DDX10: variants seen among roughly 807,000 people sequenced by gnomAD.
DDX10 encodes probable ATP-dependent RNA helicase DDX10.
In DDX10, 74 loss-of-function variants were observed where a neutral mutation model predicts 104.3. The observed-to-expected ratio is 0.71, with a 90% CI of 0.59 to 0.86. The LOEUF is 0.86. DDX10 is among the 40% of genes least tolerant of loss of function. The pLI is 0.00. For synonymous variants in DDX10, 351 were observed against 353.4 expected (o/e 0.99, Z 0.08); for missense variants, 952 against 1,040.0 (o/e 0.92, Z 1.16).
chr11:108,881,344 A>G (rs1205355570), intron 16 of DDX10, among the ~76,000 whole-genome samples: 1 of 152,212 alleles, frequency 6.6e-6, no homozygotes, highest in African/African-American at 2.4e-5. Flanking sequence ...GAGTAAGCAC[A>G]GTGTGATCAT....
At chr11:108,821,994 T>G (rs1306985098) in intron 13 of DDX10, among the ~76,000 whole-genome samples, 1 of 152,222 alleles carries the variant, frequency 6.6e-6, no homozygotes, top group African/African-American at 2.4e-5. Flanking sequence ...TATATTCACA[T>G]AACCAGTTAT....
rs117344848 is a variant in DDX10 at position 108,740,783 on chromosome 11, T to A, written c.1965+17321T>A. On this transcript the variant is annotated intron_variant, in intron 13 of 17. Transcript: ENST00000322536. ...TGCTTTTTGGCTATGTATGTCTTTT[T>A]GAAAAGTGTCTGGTCATGTCCTTTG... is the stretch of plus-strand genomic sequence containing the variant. Among the ~76,000 whole-genome samples, 1,032 of 152,276 alleles carry A rather than the reference T, an allele frequency of 6.8e-3. 8 individuals carry two copies. The highest frequency in any genetic ancestry group is 0.011 in the Non-Finnish European group (720 of 68,010).
At chr11:108,672,767 T>C (rs117641562) in intron 1 of DDX10, among the ~76,000 whole-genome samples, 2,004 of 152,350 alleles carry the variant, frequency 0.013, 137 homozygotes, top group Admixed American at 0.12. Context: ...AAAATAATTC[T>C]CCTGAGCAGC....
At chr11:108,724,025 C>T (rs896325865) in intron 13 of DDX10, among the ~76,000 whole-genome samples, 2 of 152,032 alleles carry the variant, frequency 1.3e-5, no homozygotes, top group Non-Finnish European at 2.9e-5. Flanking sequence ...AAGAAATAAT[C>T]CATTTAGATA....
intron 13 of DDX10, among the ~76,000 whole-genome samples, chr11:108,744,393 G>T (rs1385651006): frequency 6.6e-6 from 1 of 152,096 alleles, no homozygotes; most frequent in African/African-American, 2.4e-5. Context: ...TTCATAGTCT[G>T]TTGAGATCTC....
At chr11:108,718,008 CAAA>C (rs2094293665) in intron 11 of DDX10, among the ~76,000 whole-genome samples, 1 of 151,846 alleles carries the variant, frequency 6.6e-6, no homozygotes, top group South Asian at 2.1e-4. Flanking sequence ...AAAACAATGA[CAAA>C]AAAATTAGCT....
At chr11:108,785,399 GTTA>G (rs201569059) in intron 13 of DDX10, among the ~76,000 whole-genome samples, 2,871 of 150,918 alleles carry the variant, frequency 0.019, 43 homozygotes, top group Non-Finnish European at 0.028. Flanking sequence ...TGTTGTTGTT[GTTA>G]TTGTTGTTGT....
chr11:108,698,834 G>C (rs937253333), intron 9 of DDX10, among the ~76,000 whole-genome samples: 3 of 152,158 alleles, frequency 2.0e-5, no homozygotes, highest in Admixed American at 1.3e-4. Context: ...TTCTCCCCTT[G>C]TTCTCTATGC....
At chr11:108,901,559 G>C (rs1355906873) in intron 16 of DDX10, among the ~76,000 whole-genome samples, 1 of 152,118 alleles carries the variant, frequency 6.6e-6, no homozygotes, top group Non-Finnish European at 1.5e-5. Flanking sequence ...AACATTCTGG[G>C]GTTATGTTGG....
At chr11:108,689,280 A>G (rs1458501913) in intron 7 of DDX10, among the ~76,000 whole-genome samples, 1 of 152,248 alleles carries the variant, frequency 6.6e-6, no homozygotes, top group African/African-American at 2.4e-5. Flanking sequence ...AGTGCTAACA[A>G]TACTGGAAAT....
intron 16 of DDX10, among the ~76,000 whole-genome samples, chr11:108,866,451 C>T (rs1863009210): frequency 6.6e-6 from 1 of 151,988 alleles, no homozygotes; most frequent in South Asian, 2.1e-4. Flanking sequence ...GAGACCATTT[C>T]AGTAGTTGAG....
chr11:108,693,507 T>G lies in DDX10; in HGVS notation c.1139-9T>G, dbSNP rs933907886. The G allele has an allele frequency of 2.5e-6, 4 of 1,611,098 alleles. No individual in the cohort carries two copies. The African/African-American group carries it at 5.3e-5, about 22-fold the overall frequency. On this transcript the variant is annotated splice_polypyrimidine_tract_variant and intron_variant, in intron 8 of 17. Transcript: ENST00000322536. ...ACCAGTTTCTTAACTTCACATCCCT[T>G]CTCTGTAGATTTCCCGGCCGTGAAT...
chr11:108,800,533 T>G (rs1300120876), intron 13 of DDX10, among the ~76,000 whole-genome samples: 1 of 152,194 alleles, frequency 6.6e-6, no homozygotes, highest in Admixed American at 6.5e-5. Context: ...ACTTGTTTCT[T>G]GTTACCTGTG....
intron 13 of DDX10, among the ~76,000 whole-genome samples, chr11:108,804,947 T>G (rs1165117684): frequency 6.6e-6 from 1 of 152,180 alleles, no homozygotes; most frequent in Non-Finnish European, 1.5e-5. Context: ...TGACATCTAG[T>G]CATCATGACC....
chr11:108,827,371 G>GT lies in DDX10; in HGVS notation c.1966-11074dup, dbSNP rs557825125. Among the ~76,000 whole-genome samples the GT allele has an allele frequency of 7.2e-5, 11 of 152,308 alleles. No homozygotes were observed. The South Asian group carries it at 2.3e-3, about 32-fold the overall frequency. ...GGATGAGAGTGAATGCAGAGTCTGTGTAACAGGCTAATGTAATAGCCATTG... is the reference window on the plus strand; with the variant it reads ...GGATGAGAGTGAATGCAGAGTCTGTGTTAACAGGCTAATGTAATAGCCATTG... On this transcript the variant is annotated intron_variant, in intron 13 of 17. Coordinates refer to ENST00000322536, the MANE Select transcript of DDX10 (RefSeq NM_004398.4).
chr11:108,845,872 T>C (rs1862709925), intron 15 of DDX10, among the ~76,000 whole-genome samples: 1 of 152,198 alleles, frequency 6.6e-6, no homozygotes, highest in Non-Finnish European at 1.5e-5. Flanking sequence ...TGTTTGCTCT[T>C]GCGTTTAAAA....
chr11:108,906,928 T>C (rs940445307), intron 16 of DDX10, among the ~76,000 whole-genome samples: 1 of 152,232 alleles, frequency 6.6e-6, no homozygotes, highest in Non-Finnish European at 1.5e-5. Context: ...TCAGAGTCCT[T>C]AACTGGCATA....
chr11:108,717,688 T>G (rs1195250041), intron 11 of DDX10, among the ~76,000 whole-genome samples: 1 of 152,202 alleles, frequency 6.6e-6, no homozygotes, highest in Non-Finnish European at 1.5e-5. Context: ...TTATCATTGG[T>G]GTGCTTAGAA....
chr11:108,899,491 C>G lies in DDX10; in HGVS notation c.2305-18382C>G, dbSNP rs575039146. Among the ~76,000 whole-genome samples, 3 of 146,688 alleles carry G rather than the reference C, an allele frequency of 2.0e-5. No homozygotes were observed. In the East Asian group the frequency reaches 5.8e-4, roughly 29 times the overall value. On this transcript the variant is annotated intron_variant, in intron 16 of 17. Transcript: ENST00000322536. ...TAGAAACACTTCAAAGCATGCACAG[C>G]TACCTTTTTTTTTTTTTGTAAAAAG...
Sources: gnomAD v4.1 joint callset for allele counts (sites outside exome capture counted in the v4.1 genomes callset) on GRCh38, gnomAD v4.1.1 for gene constraint, MANE v1.5 for transcripts, NCBI Gene and HGNC (gene_info 2026-07-23, HGNC 2026-07-21) for gene names.